GABRA4: variants seen among roughly 807,000 people sequenced by gnomAD.
The protein encoded by GABRA4 is gamma-aminobutyric acid type A receptor subunit alpha4.
A neutral mutation model predicts 49.7 loss-of-function variants in GABRA4; 12 were observed. The ratio of observed to expected loss-of-function variants is 0.24; its 90% CI spans 0.15 to 0.39. The LOEUF is 0.39. GABRA4 is among the 10% of genes least tolerant of loss of function. The pLI is 1.00. For synonymous variants in GABRA4, 288 were observed against 240.2 expected, an observed-to-expected ratio of 1.20 and a Z score of -1.84; for missense variants, 506 against 686.0, an observed-to-expected ratio of 0.74 and a Z score of 2.93.
chr4:46,932,323 G>T (rs1442154545), intron 8 of GABRA4, among the ~76,000 whole-genome samples: 2 of 152,088 alleles, frequency 1.3e-5, no homozygotes, highest in African/African-American at 4.8e-5. Context: ...GAACAGAAAG[G>T]TTACAGGTCA....
chr4:46,970,577 A>G (rs1722915333), intron 7 of GABRA4, among the ~76,000 whole-genome samples: 1 of 151,536 alleles, frequency 6.6e-6, no homozygotes, highest in Non-Finnish European at 1.5e-5. Flanking sequence ...AAAAGAAGTA[A>G]GTAAATATAT....
At chr4:46,940,345 T>C (rs1236061036) in intron 8 of GABRA4, among the ~76,000 whole-genome samples, 1 of 152,118 alleles carries the variant, frequency 6.6e-6, no homozygotes, top group Non-Finnish European at 1.5e-5. Flanking sequence ...ACATGAGCTC[T>C]ATCTCTTGTT....
At chr4:46,986,440 T>C (rs1344680788) in intron 2 of GABRA4, among the ~76,000 whole-genome samples, 1 of 152,004 alleles carries the variant, frequency 6.6e-6, no homozygotes, top group Admixed American at 6.6e-5. Flanking sequence ...TCTTTATTTT[T>C]CCCCTTATAT....
chr4:46,934,619 T>C (rs1365712180), intron 8 of GABRA4, among the ~76,000 whole-genome samples: 4 of 152,174 alleles, frequency 2.6e-5, no homozygotes, highest in Admixed American at 2.6e-4. Context: ...GGGATAAACT[T>C]TTGTTTTCCA....
intron 7 of GABRA4, among the ~76,000 whole-genome samples, chr4:46,965,464 A>G (rs1018697449): frequency 6.6e-6 from 1 of 151,852 alleles, no homozygotes; most frequent in Non-Finnish European, 1.5e-5. Flanking sequence ...AATTGGCTTA[A>G]TATGTCCTGC....
intron 2 of GABRA4, among the ~76,000 whole-genome samples, chr4:46,979,880 G>C: frequency 6.6e-6 from 1 of 152,054 alleles, no homozygotes; most frequent in East Asian, 1.9e-4. Context: ...AGACTAGTTC[G>C]TAAAGAAGCA....
At chr4:46,951,795 CG>C in intron 8 of GABRA4, among the ~76,000 whole-genome samples, 1 of 149,164 alleles carries the variant, frequency 6.7e-6, no homozygotes, top group African/African-American at 2.5e-5. Context: ...TATGTGTGTA[CG>C]TGTGTGTGTG....
At chr4:46,984,368 G>T (rs997234986) in intron 2 of GABRA4, among the ~76,000 whole-genome samples, 1 of 151,944 alleles carries the variant, frequency 6.6e-6, no homozygotes, top group African/African-American at 2.4e-5. Flanking sequence ...AAATCTCTTT[G>T]CTTGTCATTT....
chr4:46,949,277 A>G (rs757107563), intron 8 of GABRA4, among the ~76,000 whole-genome samples: 1 of 152,168 alleles, frequency 6.6e-6, no homozygotes, highest in African/African-American at 2.4e-5. Context: ...CTTTAAGCCC[A>G]TTATAGTATG....
At chr4:46,983,034 T>C (rs1723412016) in intron 2 of GABRA4, among the ~76,000 whole-genome samples, 1 of 152,066 alleles carries the variant, frequency 6.6e-6, no homozygotes, top group African/African-American at 2.4e-5. Context: ...TACTATTTCA[T>C]GTAATCCTCA....
intron 2 of GABRA4, among the ~76,000 whole-genome samples, chr4:46,980,568 A>C (rs1006978843): frequency 6.6e-6 from 1 of 152,124 alleles, no homozygotes; most frequent in Admixed American, 6.6e-5. Flanking sequence ...AGCCTTAGGC[A>C]GTATAGTAAG....
rs992189447 is a variant in GABRA4, at chr4:46,920,884, G to A, written c.*7341C>T. The A allele has an allele frequency of 7.9e-5, 12 of 151,898 alleles. No homozygotes were observed. Among genetic ancestry groups the A allele is most frequent in the African/African-American group, 2.9e-4 (12 of 41,514 alleles). The allele number at this position is 151,898 out of a possible 1,614,324, so 9.4% of individuals were successfully genotyped here. ...ATTTAATTTATCCTTTACTACTTGT[G>A]TAACATAATCAACTCTGTCATAGCT... is the stretch of plus-strand genomic sequence containing the variant. On this transcript the variant is annotated 3_prime_UTR_variant, in exon 9 of 9. Coordinates refer to ENST00000264318, the MANE Select transcript of GABRA4 (RefSeq NM_000809.4).
intron 8 of GABRA4, among the ~76,000 whole-genome samples, chr4:46,956,907 G>T (rs185530426): frequency 6.6e-6 from 1 of 152,140 alleles, no homozygotes; most frequent in East Asian, 1.9e-4. Context: ...TGTGCTGTAT[G>T]AAGCTATAAT....
chr4:46,965,234 A>C lies in GABRA4; in HGVS notation c.875-5T>G. The C allele has an allele frequency of 7.0e-7, 1 of 1,436,064 alleles. No individual in the cohort carries two copies. Among genetic ancestry groups the C allele is most frequent in the Non-Finnish European group, 9.2e-7 (1 of 1,085,426 alleles). 89.0% of individuals were successfully genotyped at this position (1,436,064 alleles called of 1,614,324 possible). ...TGGTGAGGACAGTTGTTATTCCTTC[A>C]AAGCAAAAGAGCAGAGAGACAAAAC... On this transcript the variant is annotated splice_region_variant and splice_polypyrimidine_tract_variant and intron_variant, in intron 7 of 8. Coordinates refer to ENST00000264318, the MANE Select transcript of GABRA4 (RefSeq NM_000809.4).
In GABRA4 at chr4:46,928,410, C is replaced by T. The variant is rs1210154803; in HGVS notation, c.1480G>A (p.Gly494Arg). The change falls in exon 9 of 9, where the codon GGG becomes AGG. Residue 494 changes from glycine (G) to arginine (R), a missense_variant. Physicochemically the swap from Gly to Arg is moderately radical, Grantham distance 125. Coordinates refer to ENST00000264318, the MANE Select transcript of GABRA4 (RefSeq NM_000809.4). ...GTAGCTGACAACTTCCCAGTAGCCC[C>T]TATGGTATTAACTGTGGTCTTTATC... is the stretch of plus-strand genomic sequence containing the variant. ...QRIKTTVNTI[G>R]ATGKLSATPP... The T allele has an allele frequency of 6.2e-7, 1 of 1,613,518 alleles. No individual in the cohort carries two copies. Among genetic ancestry groups the T allele is most frequent in the Non-Finnish European group, 8.5e-7 (1 of 1,179,696 alleles).
chr4:46,921,376 A>G lies in GABRA4; in HGVS notation c.*6849T>C, dbSNP rs1337531932. On this transcript the variant is annotated 3_prime_UTR_variant, in exon 9 of 9. Transcript: ENST00000264318. ...CTGAAAAGTAAAGCCCAAGAGGGAA[A>G]AATGAAAATACAAAGGAAAGGGAAG... 6.6e-6 allele frequency: 1 copy of G among 152,060 alleles called. No homozygotes were observed. The highest frequency in any genetic ancestry group is 1.5e-5 in the Non-Finnish European group (1 of 67,950). 9.4% of individuals were successfully genotyped at this position (152,060 alleles called of 1,614,324 possible). A position where few individuals can be genotyped will look rare whatever the true frequency, so the allele number is the denominator to read the frequency against.
chr4:46,935,039 G>A (rs1217678109), intron 8 of GABRA4, among the ~76,000 whole-genome samples: 1 of 152,200 alleles, frequency 6.6e-6, no homozygotes, highest in South Asian at 2.1e-4. Context: ...ATGTAGAAAA[G>A]CAGTATTGTG....
intron 2 of GABRA4, among the ~76,000 whole-genome samples, chr4:46,985,840 C>G (rs1723513742): frequency 6.6e-6 from 1 of 151,824 alleles, no homozygotes; most frequent in South Asian, 2.1e-4. Flanking sequence ...ATTCAAACTT[C>G]TCTTGTTTTC....
chr4:46,968,450 A>C (rs1722842889), intron 7 of GABRA4, among the ~76,000 whole-genome samples: 1 of 151,506 alleles, frequency 6.6e-6, no homozygotes, highest in Admixed American at 6.6e-5. Context: ...ACTCTCCACA[A>C]GCCCCCACAT....
Sources: allele counts gnomAD v4.1 joint callset (sites outside exome capture counted in the v4.1 genomes callset), GRCh38; gene constraint gnomAD v4.1.1; transcripts MANE v1.5; gene names NCBI Gene and HGNC (gene_info 2026-07-23, HGNC 2026-07-21).